PIAS1: variants seen among roughly 807,000 people sequenced by gnomAD.
PIAS1 encodes the protein protein inhibitor of activated STAT 1, also known as E3 SUMO-protein ligase PIAS1.
PIAS1 carries 6 observed loss-of-function variants against 71.3 expected under a neutral mutation model. The ratio of observed to expected loss-of-function variants is 0.08; its 90% confidence interval spans 0.05 to 0.17. The LOEUF is 0.17. Among genes scored for constraint, PIAS1 ranks in the 10% least tolerant of loss-of-function variants. The probability of loss-of-function intolerance (pLI) is 1.00; values close to 1 mark genes in which losing one functional copy is unlikely to be tolerated. For synonymous variants in PIAS1, 303 were observed against 292.9 expected (o/e 1.03, Z -0.35); for missense variants, 555 against 793.6 (o/e 0.70, Z 3.61).
At chr15:68,060,397 G>A (rs1035748719) in intron 1 of PIAS1, among the ~76,000 whole-genome samples, 4 of 151,994 alleles carry the variant, frequency 2.6e-5, no homozygotes, top group African/African-American at 9.7e-5. Context: ...GACAGATCAC[G>A]AGGTCAGGAG....
Position 68,173,943 on chromosome 15 carries a change from G to A in PIAS1, c.1169+51G>A. On this transcript the variant is annotated intron_variant, in intron 9 of 13. Coordinates refer to ENST00000249636, the MANE Select transcript of PIAS1 (RefSeq NM_016166.3). This position sits in a 1 kb window ranked among gnomAD's most constrained non-coding sequence, Gnocchi z 4.3. Reference sequence around the variant, plus strand: ...ACCTTGAAATGACCATATATTATCTGGGTTTGTTACACATCAGATTTGGGA... The same window carrying A: ...ACCTTGAAATGACCATATATTATCTAGGTTTGTTACACATCAGATTTGGGA... The A allele has an allele frequency of 2.5e-6, 3 of 1,221,258 alleles. No homozygotes were observed. Among genetic ancestry groups the A allele is most frequent in the South Asian group, 2.7e-5 (1 of 37,194 alleles). 75.7% of individuals were successfully genotyped at this position (1,221,258 alleles called of 1,614,324 possible).
Position 68,186,358 on chromosome 15 carries a change from TA to T in PIAS1, c.1663-1179del, listed in dbSNP as rs1178545592. Among the ~76,000 whole-genome samples the T allele has an allele frequency of 2.0e-5, 3 of 152,180 alleles. No individual in the cohort carries two copies. Among genetic ancestry groups the T allele is most frequent in the Non-Finnish European group, 4.4e-5 (3 of 68,028 alleles). Reference sequence around the variant, plus strand: ...AAAAGTAAAAAATATTTTAAAATGTTAAAAATAGAGACTTACAGAATAAGGA... The same window carrying T: ...AAAAGTAAAAAATATTTTAAAATGTTAAAATAGAGACTTACAGAATAAGGA... On this transcript the variant is annotated intron_variant, in intron 13 of 13. Coordinates refer to ENST00000249636, the MANE Select transcript of PIAS1 (RefSeq NM_016166.3). This position sits in a 1 kb window ranked among gnomAD's most constrained non-coding sequence, Gnocchi z 4.4.
intron 1 of PIAS1, among the ~76,000 whole-genome samples, chr15:68,074,898 TAAA>T (rs907898650): frequency 1.3e-4 from 20 of 151,768 alleles, no homozygotes; most frequent in African/African-American, 4.4e-4. Context: ...AAATGGATGC[TAAA>T]AAGTATAGTC....
At chr15:68,145,587 G>A (rs576506951) in intron 4 of PIAS1, among the ~76,000 whole-genome samples, 4 of 152,134 alleles carry the variant, frequency 2.6e-5, no homozygotes, top group Admixed American at 6.5e-5. Flanking sequence ...GCAGTATCAC[G>A]AAGACAACTA....
At chr15:68,142,058 G>C in intron 3 of PIAS1, 28 bp downstream of exon 3, 2 of 1,471,896 alleles carry the variant, frequency 1.4e-6, no homozygotes, top group Non-Finnish European at 1.9e-6. Flanking sequence ...GTAACTTGAA[G>C]TTTGACCTTT....
chr15:68,137,081 A>G (rs1022521843), intron 2 of PIAS1, among the ~76,000 whole-genome samples: 2 of 152,204 alleles, frequency 1.3e-5, no homozygotes, highest in Admixed American at 1.3e-4. Context: ...ATGGTCTTAT[A>G]TGTAAAACAA....
rs2093091758 is a variant in PIAS1 at position 68,186,929 on chromosome 15, G to T, written c.1663-613G>T. ...TTGCACAGCCACAAAACCGCCTAAT[G>T]ATGCATTTCTCAAAACACATCCGTG... On this transcript the variant is annotated intron_variant, in intron 13 of 13. Coordinates refer to ENST00000249636, the MANE Select transcript of PIAS1 (RefSeq NM_016166.3). This position sits in a 1 kb window ranked among gnomAD's most constrained non-coding sequence, Gnocchi z 4.4. Among the ~76,000 whole-genome samples, 1 of 152,202 alleles carries T rather than the reference G, an allele frequency of 6.6e-6. No individual in the cohort carries two copies. Among genetic ancestry groups the T allele is most frequent in the South Asian group, 2.1e-4 (1 of 4,834 alleles).
chr15:68,110,869 G>C (rs928457672), intron 2 of PIAS1, among the ~76,000 whole-genome samples: 1 of 152,140 alleles, frequency 6.6e-6, no homozygotes, highest in African/African-American at 2.4e-5. Flanking sequence ...TTTTGTTGTA[G>C]ACTGTTTTTA....
chr15:68,177,459 C>T (rs1039780173), intron 11 of PIAS1, among the ~76,000 whole-genome samples: 1 of 152,130 alleles, frequency 6.6e-6, no homozygotes, highest in Non-Finnish European at 1.5e-5. Context: ...AAATCTGCTT[C>T]AGAATGTGAA....
At chr15:68,114,142 G>A (rs1368700051) in intron 2 of PIAS1, among the ~76,000 whole-genome samples, 2 of 151,892 alleles carry the variant, frequency 1.3e-5, no homozygotes, top group Admixed American at 6.6e-5. Flanking sequence ...TGCTCAATGT[G>A]AAGAATTTTG....
chr15:68,153,408 C>A (rs2092863104), intron 6 of PIAS1, among the ~76,000 whole-genome samples, 182 bp from the exon 7 acceptor site: 1 of 152,142 alleles, frequency 6.6e-6, no homozygotes, highest in East Asian at 1.9e-4. Context: ...GGTTTATGAT[C>A]ATCTCGGCAG....
At chr15:68,126,714 C>T (rs960415908) in intron 2 of PIAS1, among the ~76,000 whole-genome samples, 16 of 152,138 alleles carry the variant, frequency 1.1e-4, no homozygotes, top group Non-Finnish European at 1.6e-4. Flanking sequence ...CATGAGCCAC[C>T]GCGCCTGGCC....
intron 2 of PIAS1, among the ~76,000 whole-genome samples, chr15:68,102,736 A>G (rs1186657041): frequency 6.6e-6 from 1 of 152,122 alleles, no homozygotes; most frequent in Non-Finnish European, 1.5e-5. Context: ...GAGTTCACTT[A>G]TAGTTCTAGG....
chr15:68,148,870 A>G (rs1035117857), intron 6 of PIAS1, among the ~76,000 whole-genome samples: 5 of 152,226 alleles, frequency 3.3e-5, no homozygotes, highest in Non-Finnish European at 7.3e-5. Context: ...TGGAAGTATT[A>G]GTGAAATGGT....
At chr15:68,139,907 T>C (rs1478089731) in intron 2 of PIAS1, among the ~76,000 whole-genome samples, 1 of 152,192 alleles carries the variant, frequency 6.6e-6, no homozygotes, top group Admixed American at 6.5e-5. Context: ...ATTCTTTTTG[T>C]CCAGAATTTT....
chr15:68,171,373 CCAAAATA>C lies in PIAS1; in HGVS notation c.1009-2358_1009-2352del. Among the ~76,000 whole-genome samples, 2 of 152,210 alleles carry C rather than the reference CCAAAATA, an allele frequency of 1.3e-5. No homozygotes were observed. The highest frequency in any genetic ancestry group is 3.9e-4 in the East Asian group (2 of 5,190). ...TATATATAAGTAAAGGGAGTACACT[CCAAAATA>C]ATGATAAAAAGTATAGTAAATACAG... On this transcript the variant is annotated intron_variant, in intron 8 of 13. Transcript: ENST00000249636. The surrounding 1 kb of genome is among the most constrained non-coding windows in gnomAD (Gnocchi z 4.4).
chr15:68,129,851 A>T (rs572219109), intron 2 of PIAS1, among the ~76,000 whole-genome samples: 1 of 151,094 alleles, frequency 6.6e-6, no homozygotes, highest in South Asian at 2.1e-4. Context: ...ACATAGATTT[A>T]TGTGTGCTTA....
chr15:68,090,105 C>A (rs2092320566), intron 2 of PIAS1, among the ~76,000 whole-genome samples: 1 of 151,770 alleles, frequency 6.6e-6, no homozygotes, highest in Non-Finnish European at 1.5e-5. Context: ...GTCTCGAACT[C>A]CTGGACTCAA....
intron 1 of PIAS1, among the ~76,000 whole-genome samples, chr15:68,085,405 A>C (rs538831489): frequency 5.3e-5 from 8 of 152,352 alleles, no homozygotes; most frequent in Non-Finnish European, 1.2e-4. Flanking sequence ...GGACTAAATA[A>C]GTTTGCGAAC....
Sources: allele counts gnomAD v4.1 joint callset (sites outside exome capture counted in the v4.1 genomes callset), GRCh38; gene constraint gnomAD v4.1.1; non-coding constraint Gnocchi (gnomAD v3.1); transcripts MANE v1.5; gene names NCBI Gene and HGNC (gene_info 2026-07-23, HGNC 2026-07-21).